The following NRG3 variants were observed in gnomAD, a reference collection of about 807,000 sequenced individuals.
NRG3 encodes neuregulin 3, also known as pro-neuregulin-3, membrane-bound isoform.
In NRG3, 31 loss-of-function variants were observed where a neutral mutation model predicts 66.9. The ratio of observed to expected loss-of-function variants is 0.46; its 90% CI spans 0.35 to 0.63. The LOEUF (loss-of-function observed/expected upper bound fraction) is 0.63. NRG3 is among the 20% of genes least tolerant of loss of function. NRG3 has a pLI of 0.00. For missense variants in NRG3, 910 were observed against 878.9 expected, an observed-to-expected ratio of 1.04 and a Z score of -0.45; for synonymous variants, 393 against 359.4, an observed-to-expected ratio of 1.09 and a Z score of -1.06.
intron 3 of NRG3, among the ~76,000 whole-genome samples, chr10:82,778,466 G>A (rs1241897138): frequency 6.6e-6 from 1 of 152,150 alleles, no homozygotes; most frequent in Non-Finnish European, 1.5e-5. Context: ...TGGAGTGAGT[G>A]CAAGCAGGCA....
chr10:82,719,231 T>C (rs75467500), intron 2 of NRG3, among the ~76,000 whole-genome samples: 5,350 of 152,176 alleles, frequency 0.035, 347 homozygotes, highest in African/African-American at 0.12. Context: ...ATAGTGTAGA[T>C]TCCAAAAGAA....
At chr10:82,852,079 TG>T (rs2063587340) in intron 3 of NRG3, among the ~76,000 whole-genome samples, 1 of 152,246 alleles carries the variant, frequency 6.6e-6, no homozygotes, top group Non-Finnish European at 1.5e-5. Context: ...AAAGGGAATG[TG>T]GGGATAGCAC....
chr10:81,975,497 G>T (rs1181726505), intron 1 of NRG3, among the ~76,000 whole-genome samples: 1 of 152,106 alleles, frequency 6.6e-6, no homozygotes, highest in Admixed American at 6.5e-5. Context: ...CACTTGGGAA[G>T]TGATTCCTGG....
chr10:82,499,588 A>G (rs1192565850), intron 2 of NRG3, among the ~76,000 whole-genome samples: 1 of 152,062 alleles, frequency 6.6e-6, no homozygotes, highest in Non-Finnish European at 1.5e-5. Context: ...GTTTTTTCAA[A>G]TGGTCTCAAA....
At chr10:82,722,889 G>C (rs1227894738) in intron 2 of NRG3, among the ~76,000 whole-genome samples, 1 of 151,876 alleles carries the variant, frequency 6.6e-6, no homozygotes, top group Non-Finnish European at 1.5e-5. Context: ...TAAGAAACAG[G>C]GCTTACTGTG....
At chr10:82,293,983 G>A (rs1238333036) in intron 1 of NRG3, among the ~76,000 whole-genome samples, 5 of 151,652 alleles carry the variant, frequency 3.3e-5, no homozygotes, top group African/African-American at 7.3e-5. Flanking sequence ...CTGATGAATG[G>A]GCCAGTTTGA....
chr10:82,421,454 A>T (rs2089067168), intron 2 of NRG3, among the ~76,000 whole-genome samples: 1 of 152,014 alleles, frequency 6.6e-6, no homozygotes, highest in South Asian at 2.1e-4. Flanking sequence ...TCTTAGCATG[A>T]CACATGGAAG....
rs149189370 is a variant in NRG3, at chr10:82,604,003, A to G, written c.954-134574A>G. Among the ~76,000 whole-genome samples, 105 of 152,256 alleles carry G rather than the reference A, an allele frequency of 6.9e-4. 1 individual carries two copies. The highest frequency in any genetic ancestry group is 2.4e-3 in the African/African-American group (101 of 41,556). On this transcript the variant is annotated intron_variant, in intron 2 of 8. Coordinates refer to ENST00000372141, the MANE Select transcript of NRG3 (RefSeq NM_001010848.4). ...GTTTTCCCTAACATTAACAACTTGT[A>G]TTAGTGTGGTGTATTTGTTATAATT... is the stretch of plus-strand genomic sequence containing the variant.
intron 1 of NRG3, among the ~76,000 whole-genome samples, chr10:82,206,709 G>A (rs1367558305): frequency 1.3e-5 from 2 of 152,038 alleles, no homozygotes; most frequent in Non-Finnish European, 2.9e-5. Context: ...CTATCTCAGG[G>A]ACCTTTACAC....
chr10:82,854,126 A>G (rs549583838), intron 3 of NRG3, among the ~76,000 whole-genome samples: 2 of 152,344 alleles, frequency 1.3e-5, no homozygotes, highest in South Asian at 4.1e-4. Flanking sequence ...CAGTTCACCT[A>G]ATTAATTATG....
At chr10:82,104,924 CACTTA>C (rs990823873) in intron 1 of NRG3, among the ~76,000 whole-genome samples, 9 of 152,150 alleles carry the variant, frequency 5.9e-5, no homozygotes, top group Middle Eastern at 3.4e-3. Flanking sequence ...TAATATCAAA[CACTTA>C]ACTTTATTTG....
chr10:82,067,417 T>G (rs1216543870), intron 1 of NRG3, among the ~76,000 whole-genome samples: 1 of 152,224 alleles, frequency 6.6e-6, no homozygotes, highest in African/African-American at 2.4e-5. Flanking sequence ...AGGCGCAATC[T>G]TGCCCACTGC....
chr10:81,981,486 G>A (rs773728909), intron 1 of NRG3, among the ~76,000 whole-genome samples: 3 of 152,168 alleles, frequency 2.0e-5, no homozygotes, highest in Non-Finnish European at 4.4e-5. Flanking sequence ...TGGGTCCACC[G>A]GGACAGCAAT....
chr10:82,521,344 G>A (rs919296058), intron 2 of NRG3, among the ~76,000 whole-genome samples: 2 of 151,916 alleles, frequency 1.3e-5, no homozygotes, highest in Admixed American at 6.6e-5. Flanking sequence ...GGGTGATTAC[G>A]GACTTTTTTT....
intron 2 of NRG3, among the ~76,000 whole-genome samples, chr10:82,724,595 G>A (rs529742638): frequency 6.6e-6 from 1 of 152,140 alleles, no homozygotes; most frequent in Non-Finnish European, 1.5e-5. Context: ...TATGATTCAG[G>A]CATGTGAGCT....
At chr10:81,943,690 G>A (rs1329819560) in intron 1 of NRG3, among the ~76,000 whole-genome samples, 4 of 152,192 alleles carry the variant, frequency 2.6e-5, no homozygotes, top group Non-Finnish European at 4.4e-5. Flanking sequence ...CCCAAGAAAG[G>A]AAGAAAAACA....
chr10:82,037,892 G>A (rs752613215), intron 1 of NRG3, among the ~76,000 whole-genome samples: 10 of 151,850 alleles, frequency 6.6e-5, no homozygotes, highest in South Asian at 2.1e-4. Flanking sequence ...AGTCAACTTC[G>A]TAAGGGTTGG....
At chr10:82,015,105 A>C (rs1312248984) in intron 1 of NRG3, among the ~76,000 whole-genome samples, 1 of 152,204 alleles carries the variant, frequency 6.6e-6, no homozygotes, top group Non-Finnish European at 1.5e-5. Context: ...AAATCATCAT[A>C]TAGTTTAAGA....
chr10:82,383,643 A>T (rs2085777118), intron 2 of NRG3, among the ~76,000 whole-genome samples: 1 of 151,980 alleles, frequency 6.6e-6, no homozygotes, highest in African/African-American at 2.4e-5. Flanking sequence ...TTATTTGGTA[A>T]AGAGATTAAA....
Sources: allele counts gnomAD v4.1 joint callset (sites outside exome capture counted in the v4.1 genomes callset), GRCh38; gene constraint gnomAD v4.1.1; transcripts MANE v1.5; gene names NCBI Gene and HGNC (gene_info 2026-07-23, HGNC 2026-07-21).